The following DRAXIN variants were observed in gnomAD, a reference collection of about 807,000 sequenced individuals.
DRAXIN encodes dorsal inhibitory axon guidance protein.
DRAXIN carries 27 observed loss-of-function variants against 33.9 expected under a neutral mutation model. That is an observed-to-expected ratio of 0.80 (90% confidence interval 0.59 to 1.10). The LOEUF is 1.10. Ranked by LOEUF, DRAXIN falls within the 50% of genes least tolerant of loss-of-function variation. The probability of loss-of-function intolerance (pLI) is 0.00; values close to 1 mark genes in which losing one functional copy is unlikely to be tolerated. For synonymous variants in DRAXIN, 178 were observed against 194.0 expected (o/e 0.92, Z 0.69); for missense variants, 371 against 460.8 (o/e 0.81, Z 1.78).
At chr1:11,687,965 G>A (rs1159337782), upstream of DRAXIN, among the ~76,000 whole-genome samples, 2 of 152,150 alleles carry the variant, frequency 1.3e-5, no homozygotes, top group African/African-American at 4.8e-5. The surrounding 1 kb of genome is among the most constrained non-coding windows in gnomAD (Gnocchi z 4.1). Flanking sequence ...GATGGGATAG[G>A]AGTCCAGGCC....
Position 11,706,019 on chromosome 1 carries a change from T to C in DRAXIN, c.-10-230T>C, listed in dbSNP as rs1641371608. On this transcript the variant is annotated intron_variant, in intron 1 of 6. Transcript: ENST00000294485. The surrounding 1 kb of genome is among the most constrained non-coding windows in gnomAD (Gnocchi z 5.5). ...CCGGATGATTCTTGGTTTCGGGGGC[T>C]GTCCTGTGCATTGTCGGGCGTTTAG... Among the ~76,000 whole-genome samples, 1 of 152,148 alleles carries C rather than the reference T, an allele frequency of 6.6e-6. No individual in the cohort carries two copies. The highest frequency in any genetic ancestry group is 1.5e-5 in the Non-Finnish European group (1 of 68,004).
upstream of DRAXIN, chr1:11,691,352 A>C (rs939685112): frequency 4.0e-5 from 6 of 151,800 alleles, no homozygotes; most frequent in Non-Finnish European, 8.8e-5. Flanking sequence ...GAGGCGCCAC[A>C]ACTGCCGGAG....
At chr1:11,715,723 T>A (rs939335178) in intron 6 of DRAXIN, among the ~76,000 whole-genome samples, 2 of 152,190 alleles carry the variant, frequency 1.3e-5, no homozygotes, top group African/African-American at 4.8e-5. Flanking sequence ...TGTGCTGGGC[T>A]CTGTGCTGAG....
upstream of DRAXIN, among the ~76,000 whole-genome samples, chr1:11,687,767 C>T (rs1363610927): frequency 6.6e-6 from 1 of 152,220 alleles, no homozygotes; most frequent in Non-Finnish European, 1.5e-5. This position sits in a 1 kb window ranked among gnomAD's most constrained non-coding sequence, Gnocchi z 4.1. Flanking sequence ...ATAATGTTTT[C>T]AAGATTCATC....
At chr1:11,688,895 G>A (rs373768897), upstream of DRAXIN, among the ~76,000 whole-genome samples, 18 of 152,252 alleles carry the variant, frequency 1.2e-4, no homozygotes, top group East Asian at 2.1e-3. This position sits in a 1 kb window ranked among gnomAD's most constrained non-coding sequence, Gnocchi z 4.6. Context: ...AAGCAAGATG[G>A]CCACGAGACC....
chr1:11,715,678 C>T (rs945449013), intron 6 of DRAXIN, among the ~76,000 whole-genome samples: 1 of 152,174 alleles, frequency 6.6e-6, no homozygotes, highest in African/African-American at 2.4e-5. Flanking sequence ...GCCCAGCTGC[C>T]TCTTCAACTC....
intron 1 of DRAXIN, among the ~76,000 whole-genome samples, chr1:11,702,430 T>C (rs201369851): frequency 6.7e-6 from 1 of 148,586 alleles, no homozygotes; most frequent in African/African-American, 2.5e-5. Context: ...CACACACACA[T>C]GCTAACACTC....
At chr1:11,708,782 A>G (rs1464936494) in intron 2 of DRAXIN, among the ~76,000 whole-genome samples, 3 of 152,186 alleles carry the variant, frequency 2.0e-5, no homozygotes, top group Non-Finnish European at 1.5e-5. Flanking sequence ...CAGGTGCTCC[A>G]TTAATGGGGT....
In DRAXIN at chr1:11,719,773, A is replaced by C; in HGVS notation, c.*77A>C. Reference sequence around the variant, plus strand: ...ATTTGTTTGTAACTAGCAGTGGGAGATCAAGTTGGGGAACAGATGGCTGAG... The same window carrying C: ...ATTTGTTTGTAACTAGCAGTGGGAGCTCAAGTTGGGGAACAGATGGCTGAG... On this transcript the variant is annotated 3_prime_UTR_variant, in exon 7 of 7. Transcript: ENST00000294485. 1 of 1,296,270 alleles carries C rather than the reference A, an allele frequency of 7.7e-7. No homozygotes were observed. Among genetic ancestry groups the C allele is most frequent in the Non-Finnish European group, 1.1e-6 (1 of 911,058 alleles). The allele number at this position is 1,296,270 out of a possible 1,614,324, so 80.3% of individuals were successfully genotyped here. A position where few individuals can be genotyped will look rare whatever the true frequency, so the allele number is the denominator to read the frequency against.
chr1:11,724,519 G>C lies in DRAXIN; in HGVS notation c.*4823G>C, dbSNP rs1054713775. On this transcript the variant is annotated 3_prime_UTR_variant, in exon 7 of 7. Coordinates refer to ENST00000294485, the MANE Select transcript of DRAXIN (RefSeq NM_198545.4). ...AATGACAGCTTCACAGCCCCTTGAG[G>C]AGTGACCAAGCCACAAAGTAAATCC... is the stretch of plus-strand genomic sequence containing the variant. The C allele has an allele frequency of 3.3e-5, 5 of 152,326 alleles. No homozygotes were observed. Among genetic ancestry groups the C allele is most frequent in the Non-Finnish European group, 5.9e-5 (4 of 68,120 alleles). The allele number at this position is 152,326 out of a possible 1,614,324, so 9.4% of individuals were successfully genotyped here.
rs1172258999 is a variant in DRAXIN at position 11,721,500 on chromosome 1, A to T, written c.*1804A>T. The T allele has an allele frequency of 6.6e-6, 1 of 152,236 alleles. No individual in the cohort carries two copies. Among genetic ancestry groups the T allele is most frequent in the Non-Finnish European group, 1.5e-5 (1 of 68,042 alleles). The allele number at this position is 152,236 out of a possible 1,614,324, so 9.4% of individuals were successfully genotyped here. A position where few individuals can be genotyped will look rare whatever the true frequency, so the allele number is the denominator to read the frequency against. On this transcript the variant is annotated 3_prime_UTR_variant, in exon 7 of 7. Transcript: ENST00000294485. ...CCTCACTGGCCTGGATCACGCCCAT[A>T]AGATGCCAGAGATGTTTACTGCGTT...
At chr1:11,691,078 C>T (rs12088541), upstream of DRAXIN, among the ~76,000 whole-genome samples, 32,000 of 152,090 alleles carry the variant, frequency 0.21, 5,550 homozygotes, top group African/African-American at 0.48. Context: ...CATCCAGGAG[C>T]GACCTCTCGG....
chr1:11,716,010 C>T (rs544255617), intron 6 of DRAXIN, among the ~76,000 whole-genome samples: 36 of 152,330 alleles, frequency 2.4e-4, no homozygotes, highest in African/African-American at 8.2e-4. Flanking sequence ...GCTCTGACTA[C>T]AGGCGCATGC....
intron 1 of DRAXIN, among the ~76,000 whole-genome samples, chr1:11,695,625 T>C (rs1306024020): frequency 6.6e-6 from 1 of 151,038 alleles, no homozygotes; most frequent in Admixed American, 6.6e-5. Context: ...TATATATATA[T>C]ATATACTTCA....
At chr1:11,710,893 G>T (rs1222738247) in intron 3 of DRAXIN, among the ~76,000 whole-genome samples, 1 of 142,014 alleles carries the variant, frequency 7.0e-6, no homozygotes, top group South Asian at 2.2e-4. Flanking sequence ...CTGCACTCCA[G>T]CCTGGGCGAC....
chr1:11,715,241 A>G (rs114110252), intron 6 of DRAXIN, 33 bp downstream of exon 6: 1 of 1,613,262 alleles, frequency 6.2e-7, no homozygotes, highest in African/African-American at 1.3e-5. Flanking sequence ...GGGGCTACCC[A>G]TGCTCTGAGA....
chr1:11,714,480 C>T (rs1160620597), intron 5 of DRAXIN, among the ~76,000 whole-genome samples: 1 of 152,256 alleles, frequency 6.6e-6, no homozygotes, highest in South Asian at 2.1e-4. Context: ...TGGAGGCCGC[C>T]AGCAAGTGCT....
chr1:11,715,300 C>T, intron 6 of DRAXIN, 92 bp downstream of exon 6: 1 of 1,498,452 alleles, frequency 6.7e-7, no homozygotes, highest in South Asian at 1.1e-5. Context: ...GAGTGGGGAA[C>T]AAGCTTTCCT....
chr1:11,701,927 C>A (rs1641280949), intron 1 of DRAXIN, among the ~76,000 whole-genome samples: 1 of 152,176 alleles, frequency 6.6e-6, no homozygotes, highest in Non-Finnish European at 1.5e-5. Context: ...AGTTGCTGGG[C>A]TGTGCCAAGA....
Sources: gnomAD v4.1 joint callset for allele counts (sites outside exome capture counted in the v4.1 genomes callset) on GRCh38, gnomAD v4.1.1 for gene constraint, Gnocchi (gnomAD v3.1) non-coding constraint, MANE v1.5 for transcripts, NCBI Gene and HGNC (gene_info 2026-07-23, HGNC 2026-07-21) for gene names.